ZCCHC7: variants seen among roughly 807,000 people sequenced by gnomAD.
ZCCHC7 encodes zinc finger CCHC-type containing 7.
A neutral mutation model predicts 52.0 loss-of-function variants in ZCCHC7; 35 were observed. The observed-to-expected ratio is 0.67, with a 90% CI of 0.51 to 0.89. The LOEUF (loss-of-function observed/expected upper bound fraction) is 0.89. Ranked by LOEUF, ZCCHC7 falls within the 40% of genes least tolerant of loss-of-function variation. The pLI is 0.00. For missense variants in ZCCHC7, 574 were observed against 649.1 expected, an observed-to-expected ratio of 0.88 and a Z score of 1.26; for synonymous variants, 217 against 221.5, an observed-to-expected ratio of 0.98 and a Z score of 0.18.
chr9:37,293,679 C>G (rs1455829697), intron 2 of ZCCHC7, among the ~76,000 whole-genome samples: 2 of 152,160 alleles, frequency 1.3e-5, no homozygotes, highest in South Asian at 2.1e-4. Context: ...TTTTCCCTTT[C>G]TTTCTTGTTT....
chr9:37,355,675 A>G (rs755192216), intron 8 of ZCCHC7, among the ~76,000 whole-genome samples: 5 of 152,202 alleles, frequency 3.3e-5, no homozygotes, highest in African/African-American at 4.8e-5. Context: ...CTTATGTCCC[A>G]TAGTTGACTC....
At chr9:37,197,444 A>G (rs1823348132) in intron 2 of ZCCHC7, among the ~76,000 whole-genome samples, 1 of 152,244 alleles carries the variant, frequency 6.6e-6, no homozygotes, top group Non-Finnish European at 1.5e-5. Context: ...TTTATTGAAA[A>G]TGTTGTTATT....
At chr9:37,163,237 G>T (rs1481784802) in intron 2 of ZCCHC7, among the ~76,000 whole-genome samples, 1 of 151,282 alleles carries the variant, frequency 6.6e-6, no homozygotes, top group African/African-American at 2.4e-5. Context: ...AAAACAAAAA[G>T]TATTTTTACG....
At chr9:37,211,479 TCTCA>T (rs1824211097) in intron 2 of ZCCHC7, among the ~76,000 whole-genome samples, 1 of 152,170 alleles carries the variant, frequency 6.6e-6, no homozygotes, top group Admixed American at 6.5e-5. Flanking sequence ...TACTGAGTTC[TCTCA>T]CAGTGCTTTG....
intron 6 of ZCCHC7, among the ~76,000 whole-genome samples, chr9:37,338,246 A>C (rs528640934): frequency 6.6e-6 from 1 of 152,206 alleles, no homozygotes; most frequent in Admixed American, 6.6e-5. Context: ...CATTTTTATA[A>C]AACTCGTGCT....
At position 37,357,316 on chromosome 9, in the gene ZCCHC7, T is replaced by C. The variant is rs774356605; in HGVS notation, c.*48T>C. 6.6e-6 allele frequency: 10 copies of C among 1,516,454 alleles called. No homozygotes were observed. Among genetic ancestry groups the C allele is most frequent in the Admixed American group, 2.2e-5 (1 of 45,560 alleles). The allele number at this position is 1,516,454 out of a possible 1,614,324, so 93.9% of individuals were successfully genotyped here. A position where few individuals can be genotyped will look rare whatever the true frequency, so the allele number is the denominator to read the frequency against. On this transcript the variant is annotated 3_prime_UTR_variant, in exon 9 of 9. Transcript: ENST00000336755. ...GGCTTTTCATTGTTCATTTGGCCTT[T>C]GTGTCTATAACCTTCTGGCACTGTG...
intron 2 of ZCCHC7, among the ~76,000 whole-genome samples, chr9:37,152,023 T>C (rs548469854): frequency 6.6e-6 from 1 of 152,114 alleles, no homozygotes; most frequent in East Asian, 1.9e-4. Flanking sequence ...AGACCAACAG[T>C]TTTCTAATCT....
chr9:37,244,701 T>C (rs1256042139), intron 2 of ZCCHC7, among the ~76,000 whole-genome samples: 1 of 151,946 alleles, frequency 6.6e-6, no homozygotes, highest in Non-Finnish European at 1.5e-5. Context: ...TGTTTTGCAC[T>C]GTTTGTTGGC....
chr9:37,270,418 C>T lies in ZCCHC7; in HGVS notation c.611-31770C>T, dbSNP rs74307371. ...AAAAGACCTCCTAGGAGGCTGGGCGCGGTGGCTCATGCCTGTAATCACAGC... is the reference window on the plus strand; with the variant it reads ...AAAAGACCTCCTAGGAGGCTGGGCGTGGTGGCTCATGCCTGTAATCACAGC... On this transcript the variant is annotated intron_variant, in intron 2 of 8. Transcript: ENST00000336755. Among the ~76,000 whole-genome samples the T allele has an allele frequency of 6.6e-5, 10 of 151,964 alleles. No individual in the cohort carries two copies. The East Asian group carries it at 9.7e-4, about 15-fold the overall frequency.
At chr9:37,235,864 A>G (rs954188196) in intron 2 of ZCCHC7, among the ~76,000 whole-genome samples, 2 of 151,650 alleles carry the variant, frequency 1.3e-5, no homozygotes, top group African/African-American at 2.4e-5. Flanking sequence ...CTGGGATTAC[A>G]GGTGTGAGCC....
At chr9:37,264,003 G>A (rs769343096) in intron 2 of ZCCHC7, among the ~76,000 whole-genome samples, 5 of 152,148 alleles carry the variant, frequency 3.3e-5, no homozygotes, top group Non-Finnish European at 4.4e-5. Context: ...ATGGATAAAC[G>A]AGTGCCCAAG....
At chr9:37,291,309 G>T (rs557106832) in intron 2 of ZCCHC7, among the ~76,000 whole-genome samples, 5 of 151,770 alleles carry the variant, frequency 3.3e-5, no homozygotes, top group African/African-American at 4.9e-5. Context: ...GTGGATATTG[G>T]TAGATGTTTT....
At chr9:37,294,347 G>A (rs116570090) in intron 2 of ZCCHC7, among the ~76,000 whole-genome samples, 1 of 152,186 alleles carries the variant, frequency 6.6e-6, no homozygotes, top group Non-Finnish European at 1.5e-5. Context: ...TTTATCTGGT[G>A]TAGTGGAGTT....
intron 2 of ZCCHC7, among the ~76,000 whole-genome samples, chr9:37,290,268 G>T (rs1186549369): frequency 6.6e-6 from 1 of 152,146 alleles, no homozygotes; most frequent in African/African-American, 2.4e-5. Context: ...GGGAATAATT[G>T]TAATGTTTAG....
chr9:37,120,616 C>G lies in ZCCHC7; in HGVS notation c.-29C>G. 1 of 398,264 alleles carries G rather than the reference C, an allele frequency of 2.5e-6. No homozygotes were observed. The highest frequency in any genetic ancestry group is 4.4e-5 in the Admixed American group (1 of 22,686). The allele number at this position is 398,264 out of a possible 1,614,324, so 24.7% of individuals were successfully genotyped here. A position where few individuals can be genotyped will look rare whatever the true frequency, so the allele number is the denominator to read the frequency against. ...CCCGGTTGGTGCTTCCTGTTCGCAG[C>G]TGCGGCAGTGAGTATGTGTGTGACG... On this transcript the variant is annotated 5_prime_UTR_variant, in exon 1 of 9. Transcript: ENST00000336755.
intron 2 of ZCCHC7, among the ~76,000 whole-genome samples, chr9:37,191,166 T>G (rs1823001532): frequency 6.6e-6 from 1 of 152,216 alleles, no homozygotes. Context: ...TTTTGCTGCC[T>G]CAGAGAAGCA....
At chr9:37,177,848 T>G (rs969887448) in intron 2 of ZCCHC7, among the ~76,000 whole-genome samples, 3 of 152,080 alleles carry the variant, frequency 2.0e-5, no homozygotes, top group Admixed American at 1.3e-4. Context: ...ACAATGAAAG[T>G]CAGAGATACT....
At chr9:37,348,682 C>A (rs1821175901) in intron 6 of ZCCHC7, among the ~76,000 whole-genome samples, 1 of 152,088 alleles carries the variant, frequency 6.6e-6, no homozygotes, top group South Asian at 2.1e-4. Context: ...CTGGCCCAAA[C>A]TACAACTATC....
chr9:37,298,107 G>T (rs1828867923), intron 2 of ZCCHC7, among the ~76,000 whole-genome samples: 1 of 152,230 alleles, frequency 6.6e-6, no homozygotes, highest in Non-Finnish European at 1.5e-5. Context: ...AATGGACAGG[G>T]TTGCTTTGAA....
Sources: gnomAD v4.1 joint callset for allele counts (sites outside exome capture counted in the v4.1 genomes callset) on GRCh38, gnomAD v4.1.1 for gene constraint, MANE v1.5 for transcripts, NCBI Gene and HGNC (gene_info 2026-07-23, HGNC 2026-07-21) for gene names.